SLC5A3: variants seen among roughly 807,000 people sequenced by gnomAD.
SLC5A3 encodes solute carrier family 5 member 3, also known as sodium/myo-inositol cotransporter.
A neutral mutation model predicts 43.2 loss-of-function variants in SLC5A3; 10 were observed. That is an observed-to-expected ratio of 0.23 (90% CI 0.14 to 0.39). The LOEUF (loss-of-function observed/expected upper bound fraction) is 0.39. SLC5A3 is among the 10% of genes least tolerant of loss of function. The pLI, the probability that SLC5A3 is intolerant of heterozygous loss-of-function variation, is 1.00. For missense variants in SLC5A3, 608 were observed against 893.4 expected, an observed-to-expected ratio of 0.68 and a Z score of 4.07; for synonymous variants, 349 against 322.0, an observed-to-expected ratio of 1.08 and a Z score of -0.90.
rs1979071712 is a variant in SLC5A3 at position 34,098,432 on chromosome 21, T to C, written c.*1077T>C. The C allele has an allele frequency of 2.0e-6, 2 of 1,000,120 alleles. No individual in the cohort carries two copies. The highest frequency in any genetic ancestry group is 2.4e-6 in the Non-Finnish European group (2 of 829,884). 62.0% of individuals were successfully genotyped at this position (1,000,120 alleles called of 1,614,324 possible). On this transcript the variant is annotated 3_prime_UTR_variant, in exon 2 of 2. Transcript: ENST00000381151. The stretch of plus-strand genomic sequence containing the variant: ...TTAGAGGGAAAATTTAATTCTGATA[T>C]CTTATTGCATCCTTGATAAGTTTTT...
Position 34,104,165 on chromosome 21 carries a change from G to A in SLC5A3, c.*6810G>A. On this transcript the variant is annotated 3_prime_UTR_variant, in exon 2 of 2. Transcript: ENST00000381151. ...TTGACTGTGCTTCATTTTAATAAAG[G>A]ATAATTTGATCTGAGTGTTCTGAGC... The A allele has an allele frequency of 1.0e-6, 1 of 999,904 alleles. No homozygotes were observed. The highest frequency in any genetic ancestry group is 1.2e-6 in the Non-Finnish European group (1 of 829,902). The allele number at this position is 999,904 out of a possible 1,614,324, so 61.9% of individuals were successfully genotyped here.
chr21:34,081,026 C>T (rs1032010788), intron 1 of SLC5A3, among the ~76,000 whole-genome samples: 2 of 152,024 alleles, frequency 1.3e-5, no homozygotes, highest in Non-Finnish European at 2.9e-5. Flanking sequence ...CCTTTGTTTC[C>T]TGAAAACCAA....
At position 34,096,601 on chromosome 21, in the gene SLC5A3, A is replaced by G; in HGVS notation, c.1403A>G (p.Gln468Arg). 1 of 1,614,108 alleles carries G rather than the reference A, an allele frequency of 6.2e-7. No homozygotes were observed. Among genetic ancestry groups the G allele is most frequent in the Non-Finnish European group, 8.5e-7 (1 of 1,179,984 alleles). The change falls in exon 2 of 2, where the codon CAA becomes CGA. Residue 468 changes from glutamine to arginine, a missense_variant. Gln to Arg is a conservative substitution (Grantham distance 43). This residue lies in a region of SLC5A3 where 398 missense variants were observed against 668.6 expected (regional missense o/e 0.60). Coordinates refer to ENST00000381151, the MANE Select transcript of SLC5A3 (RefSeq NM_006933.7). The surrounding 1 kb of genome is among the most constrained non-coding windows in gnomAD (Gnocchi z 5.9). ...ATTTTCTGGAAGCGCTGCAATGAAC[A>G]AGGGGCTTTCTATGGTGGAATGGCT... ...LAIFWKRCNE[Q>R]GAFYGGMAGF...
intron 1 of SLC5A3, among the ~76,000 whole-genome samples, chr21:34,089,672 C>T (rs1202250901): frequency 2.0e-5 from 3 of 152,054 alleles, no homozygotes; most frequent in Admixed American, 1.3e-4. Flanking sequence ...ACTCCTGTCC[C>T]GGGAGAAACT....
chr21:34,101,458 A>G lies in SLC5A3; in HGVS notation c.*4103A>G. The G allele has an allele frequency of 1.0e-6, 1 of 1,000,128 alleles. No homozygotes were observed. 62.0% of individuals were successfully genotyped at this position (1,000,128 alleles called of 1,614,324 possible). A position where few individuals can be genotyped will look rare whatever the true frequency, so the allele number is the denominator to read the frequency against. On this transcript the variant is annotated 3_prime_UTR_variant, in exon 2 of 2. Coordinates refer to ENST00000381151, the MANE Select transcript of SLC5A3 (RefSeq NM_006933.7). The stretch of plus-strand genomic sequence containing the variant: ...GCATTAGCCAGATGCTAGGTTGTTG[A>G]AGGCATTTCAGTGTTGATAATAGCC...
rs375891715 is a variant in SLC5A3 at position 34,100,011 on chromosome 21, T to C, written c.*2656T>C. ...CATGGACTGTCTTAAGCTAGCAAAA[T>C]GTTCATACTTTACACTGACTAAATG... On this transcript the variant is annotated 3_prime_UTR_variant, in exon 2 of 2. Coordinates refer to ENST00000381151, the MANE Select transcript of SLC5A3 (RefSeq NM_006933.7). 1.2e-6 allele frequency: 1 copy of C among 804,136 alleles called. No homozygotes were observed. 49.8% of individuals were successfully genotyped at this position (804,136 alleles called of 1,614,324 possible). A position where few individuals can be genotyped will look rare whatever the true frequency, so the allele number is the denominator to read the frequency against.
At chr21:34,092,939 GA>G (rs1222676821) in intron 1 of SLC5A3, among the ~76,000 whole-genome samples, 3 of 152,216 alleles carry the variant, frequency 2.0e-5, no homozygotes, top group Non-Finnish European at 4.4e-5. Context: ...GGGTAGCAGA[GA>G]GCCCTGGAGG....
rs191566121 is a variant in SLC5A3, at chr21:34,104,558, A to G, written c.*7203A>G. 2.2e-4 allele frequency: 224 copies of G among 998,904 alleles called. No individual in the cohort carries two copies. Among genetic ancestry groups the G allele is most frequent in the Non-Finnish European group, 2.5e-4 (211 of 828,728 alleles). The allele number at this position is 998,904 out of a possible 1,614,324, so 61.9% of individuals were successfully genotyped here. ...CTCTAATATATCTAGAAGGAAGACT[A>G]TATCTGGTGTAGACTAATATGAGAT... On this transcript the variant is annotated 3_prime_UTR_variant, in exon 2 of 2. Transcript: ENST00000381151.
chr21:34,083,693 C>A (rs1373038190), intron 1 of SLC5A3, among the ~76,000 whole-genome samples: 6 of 152,168 alleles, frequency 3.9e-5, no homozygotes, highest in African/African-American at 1.2e-4. Context: ...CACCAAGTTT[C>A]CATTAGGCAG....
Position 34,097,002 on chromosome 21 carries a change from G to A in SLC5A3, c.1804G>A (p.Asp602Asn). 3 of 1,614,124 alleles carry A rather than the reference G, an allele frequency of 1.9e-6. No homozygotes were observed. Among genetic ancestry groups the A allele is most frequent in the Non-Finnish European group, 2.5e-6 (3 of 1,179,994 alleles). Residue 602 changes from aspartate (D) to asparagine (N), a missense_variant, in exon 2 of 2, where the codon GAT (aspartate) becomes AAT (asparagine). Asp to Asn is a conservative substitution (Grantham distance 23, BLOSUM62 1). Around this residue, in one of 2 missense-constraint regions of SLC5A3, gnomAD observed 210 missense variants for 224.8 expected, o/e 0.93. Coordinates refer to ENST00000381151, the MANE Select transcript of SLC5A3 (RefSeq NM_006933.7). ...EDSIKGLQPE[D>N]VNLLVTCREE... ...CAGCATTAAGGGCCTTCAGCCTGAA[G>A]ATGTTAATCTGTTGGTAACCTGCAG... is the stretch of plus-strand genomic sequence containing the variant.
chr21:34,085,375 G>T (rs1363198534), intron 1 of SLC5A3, among the ~76,000 whole-genome samples: 37 of 152,112 alleles, frequency 2.4e-4, no homozygotes, highest in Admixed American at 6.6e-5. Flanking sequence ...CAGTCATTTG[G>T]TTAGGTGGCA....
chr21:34,103,465 G>A lies in SLC5A3; in HGVS notation c.*6110G>A, dbSNP rs1979339229. On this transcript the variant is annotated 3_prime_UTR_variant, in exon 2 of 2. Coordinates refer to ENST00000381151, the MANE Select transcript of SLC5A3 (RefSeq NM_006933.7). Reference sequence around the variant, plus strand: ...AAAAACTTAAAGTTACTTATGTTCTGTGATCTTAATTTTGTTGTGTTTCCA... The same window carrying A: ...AAAAACTTAAAGTTACTTATGTTCTATGATCTTAATTTTGTTGTGTTTCCA... 1.0e-6 allele frequency: 1 copy of A among 998,724 alleles called. No individual in the cohort carries two copies. The highest frequency in any genetic ancestry group is 1.1e-4 in the East Asian group (1 of 8,810). 61.9% of individuals were successfully genotyped at this position (998,724 alleles called of 1,614,324 possible). A position where few individuals can be genotyped will look rare whatever the true frequency, so the allele number is the denominator to read the frequency against.
chr21:34,087,272 A>AG (rs11427671), intron 1 of SLC5A3, among the ~76,000 whole-genome samples: 152,328 of 152,328 alleles, frequency 1, 76,164 homozygotes, highest in Non-Finnish European at 1. Context: ...TTTTCCCTTT[A>AG]GCCTCTTTAA....
intron 1 of SLC5A3, among the ~76,000 whole-genome samples, chr21:34,086,116 G>C (rs544771417): frequency 6.6e-6 from 1 of 151,962 alleles, no homozygotes; most frequent in African/African-American, 2.4e-5. Context: ...TTACCTTTCC[G>C]GATTTGGCTG....
intron 1 of SLC5A3, among the ~76,000 whole-genome samples, chr21:34,078,096 T>C (rs1376131805): frequency 6.6e-6 from 1 of 152,182 alleles, no homozygotes; most frequent in African/African-American, 2.4e-5. Context: ...TGCTGTGTGT[T>C]GGTGGGAGAC....
At chr21:34,084,331 C>T (rs1022748947) in intron 1 of SLC5A3, among the ~76,000 whole-genome samples, 1 of 152,036 alleles carries the variant, frequency 6.6e-6, no homozygotes, top group Non-Finnish European at 1.5e-5. Flanking sequence ...TGAGCAGAAG[C>T]GATTTCCTTC....
At chr21:34,077,197 T>TTAGG (rs1412979540) in intron 1 of SLC5A3, among the ~76,000 whole-genome samples, 1 of 152,234 alleles carries the variant, frequency 6.6e-6, no homozygotes, top group African/African-American at 2.4e-5. Flanking sequence ...GGTATTTCAG[T>TTAGG]TAGGTAAAAG....
chr21:34,102,298 T>A lies in SLC5A3; in HGVS notation c.*4943T>A, dbSNP rs1979275859. On this transcript the variant is annotated 3_prime_UTR_variant, in exon 2 of 2. Transcript: ENST00000381151. ...ATATAAATGTTTTTATTTAAACTTC[T>A]CTCTCTTCAATGCTGAGAATAAGGC... 1.0e-6 allele frequency: 1 copy of A among 999,114 alleles called. No individual in the cohort carries two copies. The highest frequency in any genetic ancestry group is 1.7e-5 in the African/African-American group (1 of 57,218). 61.9% of individuals were successfully genotyped at this position (999,114 alleles called of 1,614,324 possible).
intron 1 of SLC5A3, among the ~76,000 whole-genome samples, chr21:34,082,342 A>G (rs1989477845): frequency 6.6e-6 from 1 of 152,206 alleles, no homozygotes; most frequent in South Asian, 2.1e-4. Flanking sequence ...GCTAAAATAT[A>G]CATGTAGGCT....
Sources: allele counts gnomAD v4.1 joint callset (sites outside exome capture counted in the v4.1 genomes callset), GRCh38; gene constraint gnomAD v4.1.1; regional missense constraint gnomAD v4.1.1; non-coding constraint Gnocchi (gnomAD v3.1); transcripts MANE v1.5; gene names NCBI Gene and HGNC (gene_info 2026-07-23, HGNC 2026-07-21).